The following CMTR1 variants were observed in gnomAD, a reference collection of about 807,000 sequenced individuals.
CMTR1 encodes cap-specific mRNA (nucleoside-2'-O-)-methyltransferase 1.
CMTR1 carries 39 observed loss-of-function variants against 107.0 expected under a neutral mutation model. The ratio of observed to expected loss-of-function variants is 0.36; its 90% CI spans 0.28 to 0.48. CMTR1 has a LOEUF of 0.48. Among genes scored for constraint, CMTR1 ranks in the 20% least tolerant of loss-of-function variants. CMTR1 has a pLI of 0.99. For synonymous variants in CMTR1, 366 were observed against 379.5 expected, an observed-to-expected ratio of 0.96 and a Z score of 0.41; for missense variants, 672 against 1,064.9, an observed-to-expected ratio of 0.63 and a Z score of 5.14.
chr6:37,477,321 T>C (rs1341596486), intron 20 of CMTR1, among the ~76,000 whole-genome samples: 2 of 152,154 alleles, frequency 1.3e-5, no homozygotes, highest in African/African-American at 4.8e-5. Flanking sequence ...TCTTCCTCTT[T>C]CTCCCTCCTG....
rs1378438675 is a variant in CMTR1 at position 37,477,774 on chromosome 6, A to G, written c.2153+135A>G. ...CTGCCTCCAGCGGTCCCCTCACCTC[A>G]TCTGCCTCGCTGCAGCACTGCTTGC... On this transcript the variant is annotated intron_variant, in intron 21 of 23. Transcript: ENST00000373451. The G allele has an allele frequency of 6.8e-6, 5 of 735,484 alleles. No homozygotes were observed. In the Admixed American group the frequency reaches 7.4e-5, roughly 11 times the overall value. The allele number at this position is 735,484 out of a possible 1,614,324, so 45.6% of individuals were successfully genotyped here. A position where few individuals can be genotyped will look rare whatever the true frequency, so the allele number is the denominator to read the frequency against.
At chr6:37,454,883 G>T (rs1422638307) in intron 8 of CMTR1, among the ~76,000 whole-genome samples, 2 of 152,142 alleles carry the variant, frequency 1.3e-5, no homozygotes, top group African/African-American at 4.8e-5. Flanking sequence ...CACAGGCTTG[G>T]TGTGGTTTTC....
chr6:37,479,876 G>A lies in CMTR1; in HGVS notation c.2376-137G>A, dbSNP rs1472743790. 6.0e-6 allele frequency: 5 copies of A among 830,432 alleles called. 1 individual carries two copies. Among genetic ancestry groups the A allele is most frequent in the East Asian group, 3.0e-5 (1 of 33,832 alleles). The allele number at this position is 830,432 out of a possible 1,614,324, so 51.4% of individuals were successfully genotyped here. On this transcript the variant is annotated intron_variant, in intron 23 of 23. Transcript: ENST00000373451. Reference sequence around the variant, plus strand: ...GGAGGCAGGGGAGTTAGGGCCTACCGGGTACCTTTTGCCTGCCGGGGGAAG... The same window carrying A: ...GGAGGCAGGGGAGTTAGGGCCTACCAGGTACCTTTTGCCTGCCGGGGGAAG...
Position 37,458,834 on chromosome 6 carries a change from A to G in CMTR1, c.976+24A>G, listed in dbSNP as rs1373902175. ...TGGTAGGGACATTGAGGAGGGTACTAGGAGGTATGAGGGACAGCCCCTCTA... is the reference window on the plus strand; with the variant it reads ...TGGTAGGGACATTGAGGAGGGTACTGGGAGGTATGAGGGACAGCCCCTCTA... On this transcript the variant is annotated intron_variant, in intron 9 of 23. Transcript: ENST00000373451. The surrounding 1 kb of genome is among the most constrained non-coding windows in gnomAD (Gnocchi z 4.7). The G allele has an allele frequency of 1.9e-6, 3 of 1,607,620 alleles. No homozygotes were observed. Among genetic ancestry groups the G allele is most frequent in the African/African-American group, 1.3e-5 (1 of 74,802 alleles).
chr6:37,463,945 C>A (rs1284997550), intron 13 of CMTR1, among the ~76,000 whole-genome samples: 2 of 152,186 alleles, frequency 1.3e-5, no homozygotes, highest in Non-Finnish European at 2.9e-5. Flanking sequence ...TGTAACACTT[C>A]TGGGTTATGG....
intron 1 of CMTR1, among the ~76,000 whole-genome samples, chr6:37,435,068 C>T (rs1253012013): frequency 5.3e-5 from 8 of 152,202 alleles, no homozygotes; most frequent in Non-Finnish European, 1.0e-4. Flanking sequence ...CCCTACTCTG[C>T]TTAAAAACTT....
intron 20 of CMTR1, 109 bp from the exon 21 acceptor site, chr6:37,477,483 G>C (rs1034760091): frequency 1.0e-6 from 1 of 968,910 alleles, no homozygotes; most frequent in African/African-American, 1.6e-5. Context: ...TTCAGGGAGG[G>C]CCTGGGGCAG....
chr6:37,479,102 T>G, intron 22 of CMTR1, 45 bp from the exon 23 acceptor site: 1 of 1,380,788 alleles, frequency 7.2e-7, no homozygotes, highest in Non-Finnish European at 1.0e-6. Context: ...CCTCCACAAG[T>G]GCTTTGTGTC....
chr6:37,447,468 T>G (rs2113869576), intron 4 of CMTR1, among the ~76,000 whole-genome samples: 1 of 152,328 alleles, frequency 6.6e-6, no homozygotes, highest in African/African-American at 2.4e-5. Flanking sequence ...ATCTCAGAAG[T>G]ACCTGATGGT....
In CMTR1 at chr6:37,472,305, G is replaced by C; in HGVS notation, c.1621-114G>C. On this transcript the variant is annotated intron_variant, in intron 15 of 23. Coordinates refer to ENST00000373451, the MANE Select transcript of CMTR1 (RefSeq NM_015050.3). This position sits in a 1 kb window ranked among gnomAD's most constrained non-coding sequence, Gnocchi z 4.1. ...CCCTGTCAGCCTAGCCTCCTTTGTTGTGTGCCATTCCTCCTCCCCAGTCTG... is the reference window on the plus strand; with the variant it reads ...CCCTGTCAGCCTAGCCTCCTTTGTTCTGTGCCATTCCTCCTCCCCAGTCTG... The C allele has an allele frequency of 1.1e-6, 1 of 904,800 alleles. No homozygotes were observed. The highest frequency in any genetic ancestry group is 1.8e-6 in the Non-Finnish European group (1 of 547,044). 56.0% of individuals were successfully genotyped at this position (904,800 alleles called of 1,614,324 possible). A position where few individuals can be genotyped will look rare whatever the true frequency, so the allele number is the denominator to read the frequency against.
At chr6:37,428,991 C>T (rs963035464), upstream of CMTR1, among the ~76,000 whole-genome samples, 1 of 152,124 alleles carries the variant, frequency 6.6e-6, no homozygotes, top group Non-Finnish European at 1.5e-5. Flanking sequence ...TATTTTTTAG[C>T]GCCAAATATT....
chr6:37,480,029 C>T lies in CMTR1; in HGVS notation c.2392C>T (p.Arg798Trp). The T allele has an allele frequency of 6.3e-7, 1 of 1,578,688 alleles. No homozygotes were observed. The highest frequency in any genetic ancestry group is 8.6e-7 in the Non-Finnish European group (1 of 1,166,610). ...CCTCCCCAGCATTTGCTACTATGGC[C>T]GGCTCTTCTGGGAGTGGGGGGATGG... The part of the protein sequence containing the change: ...IAPFHICYYG[R>W]LFWEWGDGIR... The change falls in exon 24 of 24, where the codon CGG (arginine) becomes TGG (tryptophan). Residue 798 changes from arginine (R) to tryptophan (W), a missense_variant. Around this residue, in one of 2 missense-constraint regions of CMTR1, gnomAD observed 583 missense variants for 968.4 expected, o/e 0.60. Coordinates refer to ENST00000373451, the MANE Select transcript of CMTR1 (RefSeq NM_015050.3).
intron 17 of CMTR1, 149 bp downstream of exon 17, chr6:37,473,750 C>G (rs1020225089): frequency 1.1e-6 from 1 of 936,422 alleles, no homozygotes; most frequent in African/African-American, 1.7e-5. Flanking sequence ...CTTGAAACTT[C>G]GTTTCCTTTC....
chr6:37,444,231 G>C, intron 3 of CMTR1, 81 bp downstream of exon 3: 2 of 1,532,902 alleles, frequency 1.3e-6, no homozygotes, highest in Non-Finnish European at 1.8e-6. Flanking sequence ...ATGAAAAGAA[G>C]AAAAGTTTGG....
chr6:37,468,861 T>TGA (rs1761563808), intron 13 of CMTR1, among the ~76,000 whole-genome samples: 1 of 151,804 alleles, frequency 6.6e-6, no homozygotes, highest in Admixed American at 6.6e-5. Flanking sequence ...CTAGCCTAGG[T>TGA]GAGAGAGTAA....
At chr6:37,426,769 G>A in the CMTR1 span, among the ~76,000 whole-genome samples, 27 of 152,138 alleles carry the variant, frequency 1.8e-4, no homozygotes, top group South Asian at 1.5e-3. Context: ...CTCCATATAC[G>A]TAGTCATTTT....
chr6:37,424,944 C>CTTTT, the CMTR1 span, among the ~76,000 whole-genome samples: 2 of 101,386 alleles, frequency 2.0e-5, no homozygotes, highest in Non-Finnish European at 3.8e-5. Flanking sequence ...TTTTCCCTCA[C>CTTTT]TTTTTTTTTT....
At chr6:37,463,184 C>G (rs565037652) in intron 13 of CMTR1, among the ~76,000 whole-genome samples, 176 bp downstream of exon 13, 2 of 152,278 alleles carry the variant, frequency 1.3e-5, no homozygotes, top group African/African-American at 4.8e-5. Context: ...CCTCAGGGAC[C>G]CCCATCCTGC....
At chr6:37,479,989 C>T (rs768178540) in intron 23 of CMTR1, 24 bp from the exon 24 acceptor site, 5 of 1,555,274 alleles carry the variant, frequency 3.2e-6, no homozygotes, top group Non-Finnish European at 4.3e-6. Flanking sequence ...GTCCTGACCT[C>T]TTTCCCATCC....
Sources: gnomAD v4.1 joint callset for allele counts (sites outside exome capture counted in the v4.1 genomes callset) on GRCh38, gnomAD v4.1.1 for gene constraint, gnomAD v4.1.1 regional missense constraint, Gnocchi (gnomAD v3.1) non-coding constraint, MANE v1.5 for transcripts, NCBI Gene and HGNC (gene_info 2026-07-23, HGNC 2026-07-21) for gene names.